ADGRL3: variants seen among roughly 807,000 people sequenced by gnomAD.
The protein encoded by ADGRL3 is calcium-independent alpha-latrotoxin receptor 3.
Under a neutral mutation model 153.5 loss-of-function variants are expected in ADGRL3, and 62 were observed. That is an observed-to-expected ratio of 0.40 (90% CI 0.33 to 0.50). ADGRL3 has a LOEUF of 0.50. ADGRL3 is among the 20% of genes least tolerant of loss of function. ADGRL3 has a pLI of 0.47. For missense variants in ADGRL3, 1,641 were observed against 1,859.4 expected (o/e 0.88, Z 2.16); for synonymous variants, 710 against 672.5 (o/e 1.06, Z -0.86).
chr4:61,384,880 G>A (rs1362812172), intron 2 of ADGRL3, among the ~76,000 whole-genome samples: 1 of 152,066 alleles, frequency 6.6e-6, no homozygotes. Flanking sequence ...GTGATAGTAT[G>A]TTAGTGGTTG....
intron 1 of ADGRL3, among the ~76,000 whole-genome samples, chr4:61,265,813 A>G (rs2092814046): frequency 1.3e-5 from 2 of 151,846 alleles, no homozygotes; most frequent in South Asian, 2.1e-4. Context: ...GCTTCAATCT[A>G]TGATTTTTGA....
intron 8 of ADGRL3, among the ~76,000 whole-genome samples, chr4:61,780,433 C>G (rs2097201366): frequency 6.6e-6 from 1 of 152,110 alleles, no homozygotes; most frequent in African/African-American, 2.4e-5. Context: ...ACAAATTAGA[C>G]CTGTTAGTAT....
intron 4 of ADGRL3, among the ~76,000 whole-genome samples, chr4:61,586,557 G>C (rs1053231443): frequency 6.6e-6 from 1 of 151,974 alleles, no homozygotes; most frequent in Non-Finnish European, 1.5e-5. Flanking sequence ...AGAGGAGCGG[G>C]AGAACACACA....
At chr4:61,488,054 C>T (rs2098216762) in intron 2 of ADGRL3, among the ~76,000 whole-genome samples, 1 of 152,002 alleles carries the variant, frequency 6.6e-6, no homozygotes, top group African/African-American at 2.4e-5. Context: ...GGGCACTTCA[C>T]AAGAAAGTGA....
At chr4:61,839,681 C>G (rs894617490) in intron 9 of ADGRL3, among the ~76,000 whole-genome samples, 1 of 151,488 alleles carries the variant, frequency 6.6e-6, no homozygotes, top group African/African-American at 2.4e-5. Context: ...GCCTGTAATC[C>G]CAACACTTTG....
intron 1 of ADGRL3, among the ~76,000 whole-genome samples, chr4:61,205,876 C>T (rs569147059): frequency 7.9e-5 from 12 of 152,204 alleles, no homozygotes; most frequent in Middle Eastern, 3.4e-3. Context: ...GCAAGTTTTT[C>T]CCCAAATCTT....
At chr4:61,978,311 G>A (rs759010307) in intron 17 of ADGRL3, among the ~76,000 whole-genome samples, 1 of 140,126 alleles carries the variant, frequency 7.1e-6, no homozygotes, top group Non-Finnish European at 1.6e-5. Flanking sequence ...CTGTCATAGT[G>A]TGTAGATCCT....
intron 9 of ADGRL3, among the ~76,000 whole-genome samples, chr4:61,841,078 C>G (rs1207145480): frequency 3.3e-5 from 5 of 152,122 alleles, no homozygotes; most frequent in Admixed American, 2.6e-4. Flanking sequence ...GCTATAAACT[C>G]TAGATTCCCA....
chr4:61,920,558 G>A (rs112756814), intron 13 of ADGRL3, among the ~76,000 whole-genome samples: 10 of 152,186 alleles, frequency 6.6e-5, no homozygotes, highest in African/African-American at 2.4e-4. Context: ...AACAAACCAG[G>A]GCTTTATTCT....
chr4:61,252,790 A>G (rs939405477), intron 1 of ADGRL3, among the ~76,000 whole-genome samples: 1 of 152,084 alleles, frequency 6.6e-6, no homozygotes, highest in African/African-American at 2.4e-5. Context: ...CAAAAAGGAA[A>G]TATATTTACA....
chr4:61,561,009 ATC>A (rs1467159435), intron 4 of ADGRL3, among the ~76,000 whole-genome samples: 1 of 152,148 alleles, frequency 6.6e-6, no homozygotes, highest in Non-Finnish European at 1.5e-5. Context: ...ATTAACAAGT[ATC>A]TTTTATTTAA....
intron 11 of ADGRL3, 50 bp downstream of exon 11, chr4:61,895,884 T>A: frequency 1.0e-5 from 10 of 993,848 alleles, no homozygotes; most frequent in African/African-American, 1.6e-5. Flanking sequence ...ATATCATCTG[T>A]TGTTGATGAT....
At chr4:61,847,099 T>A (rs2098126609) in intron 9 of ADGRL3, among the ~76,000 whole-genome samples, 1 of 151,922 alleles carries the variant, frequency 6.6e-6, no homozygotes, top group African/African-American at 2.4e-5. Flanking sequence ...GGGACAAATA[T>A]CCAAAGTATA....
At chr4:61,917,644 C>A (rs894513694) in intron 13 of ADGRL3, among the ~76,000 whole-genome samples, 1 of 148,266 alleles carries the variant, frequency 6.7e-6, no homozygotes, top group Non-Finnish European at 1.5e-5. Context: ...TATAGCCATG[C>A]TAGTATTTGT....
chr4:61,605,610 G>T (rs1029909025), intron 5 of ADGRL3, among the ~76,000 whole-genome samples: 2 of 152,158 alleles, frequency 1.3e-5, no homozygotes, highest in African/African-American at 4.8e-5. Context: ...AGTAAATTAT[G>T]TATAGTTCAA....
rs573840229 is a variant in ADGRL3 at position 61,644,205 on chromosome 4, G to A, written c.474-32621G>A. Among the ~76,000 whole-genome samples, 32 of 146,852 alleles carry A rather than the reference G, an allele frequency of 2.2e-4. 1 individual carries two copies. The highest frequency in any genetic ancestry group is 1.2e-3 in the East Asian group (6 of 5,040). On this transcript the variant is annotated intron_variant, in intron 5 of 26. Coordinates refer to ENST00000683033, the MANE Select transcript of ADGRL3 (RefSeq NM_001387552.1). ...TTTTTTCTTTATTAGTCTTGCTAGCGGTCTATCAATTTTGTTGAACCTTTC... is the reference window on the plus strand; with the variant it reads ...TTTTTTCTTTATTAGTCTTGCTAGCAGTCTATCAATTTTGTTGAACCTTTC...
At chr4:61,421,335 A>G (rs984297075) in intron 2 of ADGRL3, among the ~76,000 whole-genome samples, 4 of 151,758 alleles carry the variant, frequency 2.6e-5, no homozygotes, top group Non-Finnish European at 5.9e-5. Flanking sequence ...CTTCGTCTCA[A>G]AAAAACAAAC....
chr4:61,344,595 A>G (rs2095864808), intron 1 of ADGRL3, among the ~76,000 whole-genome samples: 2 of 151,864 alleles, frequency 1.3e-5, no homozygotes, highest in South Asian at 4.2e-4. Flanking sequence ...TTTCTTTTGA[A>G]GTTTCTTTTA....
intron 21 of ADGRL3, among the ~76,000 whole-genome samples, chr4:62,013,932 CA>C: frequency 6.6e-6 from 1 of 150,718 alleles, no homozygotes; most frequent in Non-Finnish European, 1.5e-5. Context: ...GTTTTTTCTT[CA>C]GCATTATTCA....
Sources: allele counts gnomAD v4.1 joint callset (sites outside exome capture counted in the v4.1 genomes callset), GRCh38; gene constraint gnomAD v4.1.1; transcripts MANE v1.5; gene names NCBI Gene and HGNC (gene_info 2026-07-23, HGNC 2026-07-21).